Variants in PDE4B observed in about 807,000 individuals in gnomAD.
PDE4B encodes phosphodiesterase 4B, also known as 3',5'-cyclic-AMP phosphodiesterase 4B.
PDE4B carries 20 observed loss-of-function variants against 82.2 expected under a neutral mutation model. The ratio of observed to expected loss-of-function variants is 0.24; its 90% CI spans 0.17 to 0.35. The LOEUF (loss-of-function observed/expected upper bound fraction) is 0.35, where lower values mean the gene tolerates loss of function less well. Ranked by LOEUF, PDE4B falls within the 10% of genes least tolerant of loss-of-function variation. The pLI is 1.00. For missense variants in PDE4B, 655 were observed against 907.2 expected, an observed-to-expected ratio of 0.72 and a Z score of 3.57; for synonymous variants, 320 against 318.9, an observed-to-expected ratio of 1.00 and a Z score of -0.04.
chr1:66,320,398 A>T lies in PDE4B; in HGVS notation c.635-12110A>T, dbSNP rs187718055. 4.4e-3 allele frequency among the ~76,000 whole-genome samples: 664 copies of T among 152,282 alleles called. 2 individuals carry two copies. The highest frequency in any genetic ancestry group is 0.017 in the Middle Eastern group (5 of 294). On this transcript the variant is annotated intron_variant, in intron 7 of 16. Transcript: ENST00000341517. ...AGAGGCAAAATGTTTCCCATATAAA[A>T]ACTAGCCAGCCTAGAAATCTAATCA...
intron 3 of PDE4B, among the ~76,000 whole-genome samples, chr1:66,237,525 G>A (rs992032305): frequency 1.3e-5 from 2 of 152,112 alleles, no homozygotes; most frequent in Admixed American, 1.3e-4. Context: ...CACCTCCCTA[G>A]AGCTCTGCTT....
intron 7 of PDE4B, among the ~76,000 whole-genome samples, chr1:66,312,810 A>G (rs4655605): frequency 0.62 from 94,869 of 152,076 alleles, 29,831 homozygotes; most frequent in East Asian, 0.83. Flanking sequence ...ATCTGTGATG[A>G]CCTTCGTGCT....
chr1:66,134,502 G>T (rs987888110), intron 3 of PDE4B, among the ~76,000 whole-genome samples: 6 of 152,124 alleles, frequency 3.9e-5, no homozygotes, highest in Admixed American at 6.6e-5. Flanking sequence ...TTACATATGT[G>T]CTTAGACTCA....
chr1:66,248,139 T>C (rs771424176), intron 4 of PDE4B, among the ~76,000 whole-genome samples: 2 of 152,212 alleles, frequency 1.3e-5, no homozygotes, highest in Non-Finnish European at 1.5e-5. Flanking sequence ...TCTGAAACTT[T>C]AACACAATGC....
chr1:65,999,762 A>T (rs1651760631), intron 3 of PDE4B, among the ~76,000 whole-genome samples: 1 of 152,236 alleles, frequency 6.6e-6, no homozygotes, highest in Non-Finnish European at 1.5e-5. Flanking sequence ...CTCAGAGCAT[A>T]CAAGAAAGGC....
chr1:65,856,398 G>T (rs1231747619), intron 1 of PDE4B, among the ~76,000 whole-genome samples: 1 of 151,964 alleles, frequency 6.6e-6, no homozygotes, highest in African/African-American at 2.4e-5. Flanking sequence ...TGTTCTCATT[G>T]TTCAATTCGC....
intron 3 of PDE4B, among the ~76,000 whole-genome samples, chr1:66,055,315 A>G (rs2455012): frequency 0.96 from 146,009 of 152,314 alleles, 70,007 homozygotes; most frequent in East Asian, 0.98. Context: ...GTTACTTTTG[A>G]CTGGCATTTA....
intron 3 of PDE4B, among the ~76,000 whole-genome samples, chr1:66,079,166 T>TTTTC (rs368118768): frequency 7.0e-6 from 1 of 142,314 alleles, no homozygotes; most frequent in South Asian, 2.4e-4. Flanking sequence ...CCTGCTTCTT[T>TTTTC]TCTCTCTCTC....
chr1:66,238,806 C>T (rs1461439195), intron 3 of PDE4B, among the ~76,000 whole-genome samples: 1 of 152,122 alleles, frequency 6.6e-6, no homozygotes, highest in African/African-American at 2.4e-5. Flanking sequence ...CTAAAGTTTC[C>T]TAGCCAAGTC....
At chr1:66,125,239 C>G (rs1465341955) in intron 3 of PDE4B, among the ~76,000 whole-genome samples, 1 of 149,164 alleles carries the variant, frequency 6.7e-6, no homozygotes, top group Non-Finnish European at 1.5e-5. Context: ...TCCTGGCTCA[C>G]TGAAACTTCT....
chr1:66,224,314 C>T (rs1461543991), intron 3 of PDE4B, among the ~76,000 whole-genome samples: 1 of 152,194 alleles, frequency 6.6e-6, no homozygotes, highest in Non-Finnish European at 1.5e-5. Context: ...ATTACTCCTT[C>T]CTAAACACAC....
intron 3 of PDE4B, among the ~76,000 whole-genome samples, chr1:66,000,482 T>G (rs948853945): frequency 1.3e-5 from 2 of 152,198 alleles, no homozygotes; most frequent in African/African-American, 4.8e-5. Flanking sequence ...AAGACGTCAC[T>G]GAGAGGGAAA....
chr1:66,036,208 C>A (rs1248682227), intron 3 of PDE4B, among the ~76,000 whole-genome samples: 1 of 152,096 alleles, frequency 6.6e-6, no homozygotes, highest in Non-Finnish European at 1.5e-5. Flanking sequence ...GAGTTCCCTG[C>A]ATATTTTGGA....
chr1:65,806,029 T>G (rs1645751460), intron 1 of PDE4B, among the ~76,000 whole-genome samples: 2 of 152,180 alleles, frequency 1.3e-5, no homozygotes, highest in Non-Finnish European at 2.9e-5. Flanking sequence ...TTTTCTTCTA[T>G]TATCAATTTT....
At chr1:66,099,597 T>C (rs1645181754) in intron 3 of PDE4B, among the ~76,000 whole-genome samples, 1 of 152,196 alleles carries the variant, frequency 6.6e-6, no homozygotes, top group Admixed American at 6.6e-5. Flanking sequence ...ATTGTTTTTC[T>C]ATTTTGGCAA....
At chr1:66,066,023 C>T (rs1157946673) in intron 3 of PDE4B, among the ~76,000 whole-genome samples, 1 of 151,616 alleles carries the variant, frequency 6.6e-6, no homozygotes, top group African/African-American at 2.4e-5. Context: ...CATCCATTTC[C>T]TGTTATATTA....
At position 66,350,506 on chromosome 1, in the gene PDE4B, C is replaced by T. The variant is rs1292579774; in HGVS notation, c.748-5021C>T. On this transcript the variant is annotated intron_variant, in intron 8 of 16. Transcript: ENST00000341517. ...TAGTTTTAATCACTTAGGAGTCACT[C>T]CTAAGTGATTTTCAGGTCACCCTCA... 2.6e-5 allele frequency among the ~76,000 whole-genome samples: 4 copies of T among 152,036 alleles called. No homozygotes were observed. The East Asian group carries it at 7.7e-4, about 29-fold the overall frequency.
chr1:66,148,291 AAAAT>A (rs1001809296), intron 3 of PDE4B, among the ~76,000 whole-genome samples: 3 of 151,716 alleles, frequency 2.0e-5, no homozygotes, highest in Admixed American at 6.6e-5. Context: ...TAATAATAAT[AAAAT>A]AAATAAAATA....
chr1:65,919,276 G>T (rs1204538778), intron 3 of PDE4B, among the ~76,000 whole-genome samples: 1 of 152,112 alleles, frequency 6.6e-6, no homozygotes, highest in South Asian at 2.1e-4. Context: ...ATCTCAGTTT[G>T]TGATTATCTA....
Sources: gnomAD v4.1 joint callset for allele counts (sites outside exome capture counted in the v4.1 genomes callset) on GRCh38, gnomAD v4.1.1 for gene constraint, MANE v1.5 for transcripts, NCBI Gene and HGNC (gene_info 2026-07-23, HGNC 2026-07-21) for gene names.